Variants in CFAP45 observed in about 807,000 individuals in gnomAD.
CFAP45 encodes cilia- and flagella-associated protein 45.
In CFAP45, 43 loss-of-function variants were observed where a neutral mutation model predicts 75.6. That is an observed-to-expected ratio of 0.57 (90% CI 0.45 to 0.73). The LOEUF is 0.73. CFAP45 is among the 30% of genes least tolerant of loss of function. CFAP45 has a pLI of 0.00. For missense variants in CFAP45, 689 were observed against 701.5 expected, an observed-to-expected ratio of 0.98 and a Z score of 0.20; for synonymous variants, 223 against 244.6, an observed-to-expected ratio of 0.91 and a Z score of 0.82.
At chr1:159,881,713 T>C (rs1164156502) in intron 7 of CFAP45, among the ~76,000 whole-genome samples, 1 of 152,192 alleles carries the variant, frequency 6.6e-6, no homozygotes, top group South Asian at 2.1e-4. Context: ...AGGTCGTTTT[T>C]AAGGAAGGAT....
intron 8 of CFAP45, among the ~76,000 whole-genome samples, chr1:159,877,866 C>A (rs1213090686): frequency 1.8e-5 from 2 of 113,122 alleles, no homozygotes; most frequent in Non-Finnish European, 3.7e-5. Flanking sequence ...CAGAGTAAGA[C>A]CTTGTCTCAA....
rs762023819 is a variant in CFAP45 at position 159,890,572 on chromosome 1, C to G, written c.180G>C (p.Lys60Asn). ...CAGTGAGAGTTTTTTGAAGGGTATG[C>G]TTATCTCGGAGCAGCACAATGGGGC... ...SDSPIVLLRD[K>N]HTLQKTLTAL... is the part of the protein sequence containing the mutation. Residue 60 changes from lysine (K) to asparagine (N), a missense_variant, in exon 3 of 12, where the codon AAG becomes AAC. Transcript: ENST00000368099. The G allele has an allele frequency of 1.9e-6, 3 of 1,613,876 alleles. No homozygotes were observed. Among genetic ancestry groups the G allele is most frequent in the Non-Finnish European group, 2.5e-6 (3 of 1,179,968 alleles).
rs1166930807 is a variant in CFAP45 at position 159,887,957 on chromosome 1, T to G, written c.472A>C (p.Asn158His). The G allele has an allele frequency of 8.1e-6, 13 of 1,614,236 alleles. No individual in the cohort carries two copies. The highest frequency in any genetic ancestry group is 1.1e-5 in the Non-Finnish European group (13 of 1,180,038). The stretch of plus-strand genomic sequence containing the variant: ...TCCAGGTCACTGAGCTTCTTGTTGT[T>G]GTTCCACACCATCTCCTTCTGTTTC... ...IMKQKEMVWN[N>H]NKKLSDLEEV... Residue 158 changes from asparagine to histidine, a missense_variant, in exon 5 of 12, where the codon AAC becomes CAC. By Grantham distance (68) the Asn-to-His change is moderately conservative. Transcript: ENST00000368099.
Position 159,880,554 on chromosome 1 carries a change from C to T in CFAP45, c.1044G>A (p.Met348Ile), listed in dbSNP as rs1649525179. Reference protein sequence around the residue: ...QMVMEFTKKKMAREAEFEAEQ... With the variant: ...QMVMEFTKKKIAREAEFEAEQ... ...AAGGTCCCAGAAACCAAGTCCCTAC[C>T]ATCTTCTTCTTGGTAAACTCCATCA... Residue 348 changes from methionine to isoleucine, a missense_variant and splice_region_variant, in exon 8 of 12, where the codon ATG (methionine) becomes ATA (isoleucine). Met to Ile is a conservative substitution (Grantham distance 10, BLOSUM62 1). Transcript: ENST00000368099. 2 of 1,611,858 alleles carry T rather than the reference C, an allele frequency of 1.2e-6. No homozygotes were observed. The highest frequency in any genetic ancestry group is 1.3e-5 in the African/African-American group (1 of 74,908).
chr1:159,887,151 CA>C (rs1410326802), intron 5 of CFAP45, among the ~76,000 whole-genome samples: 1 of 152,004 alleles, frequency 6.6e-6, no homozygotes, highest in Admixed American at 6.6e-5. Context: ...GGCCAGGCCA[CA>C]AGATTTTTAA....
intron 11 of CFAP45, 148 bp downstream of exon 11, chr1:159,872,796 A>G (rs1279483459): frequency 3.6e-6 from 3 of 844,582 alleles, no homozygotes; most frequent in African/African-American, 1.7e-5. Context: ...CCCCCTTCAG[A>G]GGGATGAGCC....
intron 1 of CFAP45, among the ~76,000 whole-genome samples, chr1:159,896,374 G>A (rs1342861076): frequency 6.6e-6 from 1 of 152,202 alleles, no homozygotes; most frequent in Non-Finnish European, 1.5e-5. Context: ...AGGGTTGGGT[G>A]GTTGAGAAAA....
chr1:159,873,112 C>G lies in CFAP45; in HGVS notation c.1409G>C (p.Gly470Ala). Residue 470 changes from glycine (G) to alanine (A), a missense_variant, in exon 11 of 12, where the codon GGG (glycine) becomes GCG (alanine). Physicochemically the swap from Gly to Ala is moderately conservative, Grantham distance 60 (BLOSUM62 0). Coordinates refer to ENST00000368099, the MANE Select transcript of CFAP45 (RefSeq NM_012337.3). ...GAGCTCATTGGCATGCTGTAAGCGC[C>G]CTGTGGCCTTTTTCTCCTCCTCCAG... is the stretch of plus-strand genomic sequence containing the variant. Reference protein sequence around the residue: ...ERLEEEKKATGRLQHANELRR... With the variant: ...ERLEEEKKATARLQHANELRR... The G allele has an allele frequency of 6.2e-7, 1 of 1,614,152 alleles. No homozygotes were observed. Among genetic ancestry groups the G allele is most frequent in the Non-Finnish European group, 8.5e-7 (1 of 1,180,036 alleles).
At chr1:159,878,391 G>A (rs1410739147) in intron 8 of CFAP45, among the ~76,000 whole-genome samples, 3 of 152,058 alleles carry the variant, frequency 2.0e-5, no homozygotes, top group Non-Finnish European at 2.9e-5. Context: ...TCCCAAGCCC[G>A]CTTCCCAACG....
chr1:159,883,623 A>ATAT (rs1649602020), intron 7 of CFAP45, among the ~76,000 whole-genome samples: 2 of 72,124 alleles, frequency 2.8e-5, no homozygotes, highest in African/African-American at 7.2e-5. Flanking sequence ...TTAACAATAA[A>ATAT]ATATATATAT....
At position 159,872,509 on chromosome 1, in the gene CFAP45, G is replaced by A; in HGVS notation, c.1632C>T (p.Ile544=). 6.2e-7 allele frequency: 1 copy of A among 1,614,212 alleles called. No homozygotes were observed. Among genetic ancestry groups the A allele is most frequent in the Non-Finnish European group, 8.5e-7 (1 of 1,180,008 alleles). The change falls in exon 12 of 12, where the codon ATC becomes ATT. Residue 544 remains isoleucine, a synonymous_variant. Transcript: ENST00000368099. The stretch of plus-strand genomic sequence containing the variant: ...CTCAGTTCACAGAGGTAGCTGGCAG[G>A]ATGTTAGCTTTGCGCTCAGCTTCAA... ...YCIEAERKAN[I]LPATSVN
Position 159,872,953 on chromosome 1 carries a change from TC to T in CFAP45, c.1567del (p.Glu523LysfsTer3). 6.2e-7 allele frequency: 1 copy of T among 1,614,116 alleles called. No individual in the cohort carries two copies. On this transcript the variant is annotated frameshift_variant, in exon 11 of 12. Transcript: ENST00000368099. LOFTEE classifies it high-confidence loss of function. Reference protein sequence around the residue: ...RIDEIKRKKLEELRATGLPEK... With the variant: ...RIDEIKRKKLXELRATGLPEK... ...GGAGATTCCAGCGCACCTCAGCTCT[TC>T]AAGCTTTTTCCTCTTGATCTCATCG...
intron 1 of CFAP45, chr1:159,898,158 T>G: frequency 3.0e-6 from 3 of 985,200 alleles, no homozygotes; most frequent in Non-Finnish European, 3.6e-6. Context: ...TCCCTTTCTG[T>G]AGACTTTGGT....
Position 159,877,336 on chromosome 1 carries a change from A to ACT in CFAP45, c.1158+11_1158+12dup. 1 of 1,563,540 alleles carries ACT rather than the reference A, an allele frequency of 6.4e-7. No homozygotes were observed. The highest frequency in any genetic ancestry group is 8.8e-7 in the Non-Finnish European group (1 of 1,133,680). ...GTGGGAAAAGTAGAGGGAAGTCGAGACTAAGCAGGTACCTGTTCTGCCTGG... is the reference window on the plus strand; with the variant it reads ...GTGGGAAAAGTAGAGGGAAGTCGAGACTCTAAGCAGGTACCTGTTCTGCCTGG... On this transcript the variant is annotated intron_variant, in intron 9 of 11. Coordinates refer to ENST00000368099, the MANE Select transcript of CFAP45 (RefSeq NM_012337.3).
chr1:159,873,427 AGCTTGGTTTGAT>A, intron 10 of CFAP45: 3 of 544,168 alleles, frequency 5.5e-6, no homozygotes, highest in Non-Finnish European at 9.9e-6. Flanking sequence ...AAGGGCCCCC[AGCTTGGTTTGAT>A]GCTCTGCTTT....
intron 7 of CFAP45, among the ~76,000 whole-genome samples, chr1:159,882,826 A>G (rs1422036889): frequency 6.6e-6 from 1 of 152,086 alleles, no homozygotes; most frequent in Non-Finnish European, 1.5e-5. Flanking sequence ...TATTTGCCCC[A>G]TAACTTTCCT....
Position 159,890,354 on chromosome 1 carries a change from C to T in CFAP45, c.272+126G>A, listed in dbSNP as rs79766441. 6.0e-3 allele frequency: 5,116 copies of T among 847,146 alleles called. 180 individuals are homozygous for T. In the African/African-American group the frequency reaches 0.072, roughly 12 times the overall value. 52.5% of individuals were successfully genotyped at this position (847,146 alleles called of 1,614,324 possible). A position where few individuals can be genotyped will look rare whatever the true frequency, so the allele number is the denominator to read the frequency against. ...GAACTATCAAACAAAAAGGGGAAAA[C>T]GAATAGGAAAGAAGTGGGGATTGGA... On this transcript the variant is annotated intron_variant, in intron 3 of 11. Transcript: ENST00000368099.
intron 1 of CFAP45, chr1:159,898,389 A>C (rs7540598): frequency 0.038 from 6,965 of 183,124 alleles, 315 homozygotes; most frequent in African/African-American, 0.12. Context: ...TGTGACCCTC[A>C]CCACCACTAC....
At chr1:159,875,745 T>C (rs1163076192) in intron 10 of CFAP45, among the ~76,000 whole-genome samples, 1 of 152,216 alleles carries the variant, frequency 6.6e-6, no homozygotes, top group Non-Finnish European at 1.5e-5. Flanking sequence ...AAGAGAGTCA[T>C]TCCCAGTTAG....
Sources: gnomAD v4.1 joint callset for allele counts (sites outside exome capture counted in the v4.1 genomes callset) on GRCh38, gnomAD v4.1.1 for gene constraint, MANE v1.5 for transcripts, NCBI Gene and HGNC (gene_info 2026-07-23, HGNC 2026-07-21) for gene names.